Variants in EGFLAM observed in about 807,000 individuals in gnomAD.
The protein encoded by EGFLAM is EGF like, fibronectin type III and laminin G domains, also known as pikachurin.
A neutral mutation model predicts 113.1 loss-of-function variants in EGFLAM; 79 were observed. That is an observed-to-expected ratio of 0.70 (90% CI 0.58 to 0.84). EGFLAM has a LOEUF of 0.84. Among genes scored for constraint, EGFLAM ranks in the 40% least tolerant of loss-of-function variants. The pLI, the probability that EGFLAM is intolerant of heterozygous loss-of-function variation, is 0.00. For synonymous variants in EGFLAM, 504 were observed against 487.6 expected, an observed-to-expected ratio of 1.03 and a Z score of -0.44; for missense variants, 1,265 against 1,291.6, an observed-to-expected ratio of 0.98 and a Z score of 0.32.
chr5:38,276,167 G>T (rs1283108495), intron 1 of EGFLAM, among the ~76,000 whole-genome samples: 1 of 152,088 alleles, frequency 6.6e-6, no homozygotes, highest in Non-Finnish European at 1.5e-5. Context: ...AAGAGCTTGT[G>T]CAGGGAAACT....
intron 12 of EGFLAM, among the ~76,000 whole-genome samples, chr5:38,423,924 G>A (rs1383872698): frequency 6.6e-6 from 1 of 152,130 alleles, no homozygotes; most frequent in African/African-American, 2.4e-5. Context: ...AAGGGTGAGA[G>A]ATTCATCCTG....
At chr5:38,368,018 G>C (rs1740108325) in intron 5 of EGFLAM, among the ~76,000 whole-genome samples, 1 of 152,156 alleles carries the variant, frequency 6.6e-6, no homozygotes, top group Admixed American at 6.5e-5. Flanking sequence ...TTGTTTTGCT[G>C]TAGTTTTTAC....
chr5:38,411,467 T>C (rs1390574879), intron 10 of EGFLAM, among the ~76,000 whole-genome samples: 1 of 148,968 alleles, frequency 6.7e-6, no homozygotes, highest in African/African-American at 2.5e-5. Flanking sequence ...GATTAGCTAC[T>C]ACCTTTCATT....
chr5:38,411,833 A>C (rs924639376), intron 10 of EGFLAM, among the ~76,000 whole-genome samples: 1 of 149,824 alleles, frequency 6.7e-6, no homozygotes, highest in African/African-American at 2.5e-5. Context: ...TTTGAGACAG[A>C]GTTTCACTCT....
At chr5:38,454,096 G>A (rs1743008360) in intron 19 of EGFLAM, among the ~76,000 whole-genome samples, 1 of 152,142 alleles carries the variant, frequency 6.6e-6, no homozygotes, top group African/African-American at 2.4e-5. Flanking sequence ...TCTGGTCCTG[G>A]AGCCGCCCCA....
intron 1 of EGFLAM, among the ~76,000 whole-genome samples, chr5:38,316,190 G>A (rs375024815): frequency 1.4e-3 from 209 of 152,082 alleles, no homozygotes; most frequent in African/African-American, 4.8e-3. Flanking sequence ...TCTTTGGTTG[G>A]TTGGTTGCTT....
At chr5:38,426,947 G>A (rs1222472689) in intron 13 of EGFLAM, 62 bp from the exon 14 acceptor site, 6 of 1,588,842 alleles carry the variant, frequency 3.8e-6, no homozygotes, top group Non-Finnish European at 5.1e-6. Context: ...ACACAGCTAT[G>A]GGTGCACATC....
rs181151137 is a variant in EGFLAM, at chr5:38,461,958, G to A, written c.2772-950G>A. 4.6e-5 allele frequency among the ~76,000 whole-genome samples: 7 copies of A among 152,164 alleles called. No individual in the cohort carries two copies. The East Asian group carries it at 1.4e-3, about 30-fold the overall frequency. On this transcript the variant is annotated intron_variant, in intron 20 of 21. Transcript: ENST00000322350. Reference sequence around the variant, plus strand: ...AGGAGGGCGGATCACTAGGTCAGGAGATCGAGACCATCCTGGCTAACGTGG... The same window carrying A: ...AGGAGGGCGGATCACTAGGTCAGGAAATCGAGACCATCCTGGCTAACGTGG...
chr5:38,440,920 T>C (rs1742512821), intron 17 of EGFLAM, among the ~76,000 whole-genome samples: 1 of 152,120 alleles, frequency 6.6e-6, no homozygotes, highest in Non-Finnish European at 1.5e-5. Flanking sequence ...GGCAAGTGAG[T>C]TCCACAAGGG....
chr5:38,438,223 C>A, intron 16 of EGFLAM, 52 bp from the exon 17 acceptor site: 1 of 1,574,612 alleles, frequency 6.4e-7, no homozygotes, highest in South Asian at 1.2e-5. Context: ...CTTTAGAAGA[C>A]TACAAAGATG....
intron 12 of EGFLAM, among the ~76,000 whole-genome samples, chr5:38,423,141 C>T (rs1741889038): frequency 2.6e-5 from 4 of 152,216 alleles, no homozygotes; most frequent in Non-Finnish European, 5.9e-5. Flanking sequence ...TTTCTTCCCT[C>T]CTGCACCATT....
At position 38,292,033 on chromosome 5, in the gene EGFLAM, G is replaced by C. The variant is rs562127915; in HGVS notation, c.97+33182G>C. 4.5e-4 allele frequency among the ~76,000 whole-genome samples: 68 copies of C among 152,216 alleles called. 1 individual carries two copies. The highest frequency in any genetic ancestry group is 2.9e-3 in the Admixed American group (44 of 15,292). On this transcript the variant is annotated intron_variant, in intron 1 of 21. Coordinates refer to ENST00000322350, the MANE Select transcript of EGFLAM (RefSeq NM_152403.4). ...TTCTAACATGGTAACCCCAACCCCTGCTTGTTAATATTGACCTTCAGTTTG... is the reference window on the plus strand; with the variant it reads ...TTCTAACATGGTAACCCCAACCCCTCCTTGTTAATATTGACCTTCAGTTTG...
chr5:38,403,033 G>A (rs955263310), intron 6 of EGFLAM, among the ~76,000 whole-genome samples: 3 of 152,222 alleles, frequency 2.0e-5, no homozygotes, highest in Non-Finnish European at 4.4e-5. Flanking sequence ...CTTTATGTAT[G>A]TGCTGTATAA....
chr5:38,431,423 C>T (rs1742184341), intron 15 of EGFLAM, 135 bp downstream of exon 15: 2 of 770,404 alleles, frequency 2.6e-6, no homozygotes, highest in African/African-American at 1.8e-5. Flanking sequence ...ATCCCAGCTC[C>T]CCACTGGGCA....
intron 1 of EGFLAM, among the ~76,000 whole-genome samples, chr5:38,284,766 G>T (rs988574789): frequency 1.3e-5 from 2 of 152,238 alleles, no homozygotes; most frequent in Non-Finnish European, 2.9e-5. Context: ...AGAAAGTGCA[G>T]TGGAGTTAGC....
intron 1 of EGFLAM, among the ~76,000 whole-genome samples, chr5:38,333,715 C>G (rs1392849396): frequency 1.3e-5 from 2 of 152,012 alleles, no homozygotes; most frequent in African/African-American, 2.4e-5. Context: ...TTGTCAGATG[C>G]ATAGACTGCA....
At chr5:38,413,984 AGCTCAGGCGGAGATGCTC>A (rs1741565736) in intron 11 of EGFLAM, among the ~76,000 whole-genome samples, 1 of 152,136 alleles carries the variant, frequency 6.6e-6, no homozygotes, top group Admixed American at 6.5e-5. Flanking sequence ...CAGAAGACGG[AGCTCAGGCGGAGATGCTC>A]GCTCACCCCG....
chr5:38,400,310 A>G (rs1238755862), intron 6 of EGFLAM, among the ~76,000 whole-genome samples: 1 of 152,204 alleles, frequency 6.6e-6, no homozygotes, highest in African/African-American at 2.4e-5. Context: ...TCACCCTTTT[A>G]TCTATTAACA....
In EGFLAM at chr5:38,258,601, A is replaced by T; in HGVS notation, c.-154A>T. On this transcript the variant is annotated 5_prime_UTR_variant, in exon 1 of 22. Transcript: ENST00000322350. ...TCCCGGCTGCAGTCCTACCTCTTGGAACTACCCGTGTTTCCGGGCCCAGCC... is the reference window on the plus strand; with the variant it reads ...TCCCGGCTGCAGTCCTACCTCTTGGTACTACCCGTGTTTCCGGGCCCAGCC... The T allele has an allele frequency of 4.9e-6, 4 of 819,454 alleles. No homozygotes were observed. The highest frequency in any genetic ancestry group is 8.0e-6 in the Non-Finnish European group (4 of 499,274). 50.8% of individuals were successfully genotyped at this position (819,454 alleles called of 1,614,324 possible).
Sources: allele counts gnomAD v4.1 joint callset (sites outside exome capture counted in the v4.1 genomes callset), GRCh38; gene constraint gnomAD v4.1.1; transcripts MANE v1.5; gene names NCBI Gene and HGNC (gene_info 2026-07-23, HGNC 2026-07-21).